The following GLT1D1 variants were observed in gnomAD, a reference collection of about 807,000 sequenced individuals.
The protein encoded by GLT1D1 is glycosyltransferase 1 domain-containing protein 1.
In GLT1D1, 21 loss-of-function variants were observed where a neutral mutation model predicts 28.7. That is an observed-to-expected ratio of 0.73 (90% CI 0.52 to 1.05). GLT1D1 has a LOEUF of 1.05. Ranked by LOEUF, GLT1D1 falls within the 50% of genes least tolerant of loss-of-function variation. GLT1D1 has a pLI of 0.00. For missense variants in GLT1D1, 343 were observed against 330.6 expected (o/e 1.04, Z -0.29); for synonymous variants, 147 against 124.8 (o/e 1.18, Z -1.19).
chr12:128,934,887 G>A (rs1475254372), intron 4 of GLT1D1, among the ~76,000 whole-genome samples: 1 of 151,736 alleles, frequency 6.6e-6, no homozygotes, highest in African/African-American at 2.4e-5. Context: ...GGTCCTGGAA[G>A]TCTCTGTCAT....
intron 7 of GLT1D1, among the ~76,000 whole-genome samples, chr12:128,975,911 G>A (rs182778940): frequency 1.6e-4 from 25 of 152,322 alleles, no homozygotes; most frequent in Admixed American, 4.6e-4. Context: ...GAAGAGCTTC[G>A]TGTTCTTTTG....
intron 6 of GLT1D1, among the ~76,000 whole-genome samples, chr12:128,953,361 G>C (rs1288193065): frequency 6.6e-6 from 1 of 151,586 alleles, no homozygotes; most frequent in Non-Finnish European, 1.5e-5. Context: ...TTTTTTTGTA[G>C]AAAAAGGAGC....
At chr12:128,923,812 G>A (rs1275082373) in intron 4 of GLT1D1, among the ~76,000 whole-genome samples, 1 of 151,864 alleles carries the variant, frequency 6.6e-6, no homozygotes, top group East Asian at 1.9e-4. Context: ...GAGCCACTGC[G>A]TCTGGCCAGG....
chr12:128,971,467 TCTGC>T (rs1565923084), intron 7 of GLT1D1, among the ~76,000 whole-genome samples: 3 of 74,246 alleles, frequency 4.0e-5, no homozygotes, highest in South Asian at 1.4e-3. Context: ...CATCCCTCCC[TCTGC>T]CTCCCTCCCT....
chr12:128,958,130 A>G (rs6486740), intron 7 of GLT1D1, among the ~76,000 whole-genome samples: 84,276 of 152,078 alleles, frequency 0.55, 24,286 homozygotes, highest in Non-Finnish European at 0.65. Flanking sequence ...CTGGTTATCC[A>G]GTAACTTCTG....
rs751804478 is a variant in GLT1D1, at chr12:128,945,355, A to C, written c.405A>C (p.Lys135Asn). ...ATCCAGTGTTTACAAGGGAAGTGAAAGCCAAAGTGAAAAGGTAAGAGTTGG... is the reference window on the plus strand; with the variant it reads ...ATCCAGTGTTTACAAGGGAAGTGAACGCCAAAGTGAAAAGGTAAGAGTTGG... The change falls in exon 5 of 8, where the codon AAA (lysine) becomes AAC (asparagine). Residue 135 changes from lysine to asparagine, a missense_variant. Lys to Asn is a moderately conservative substitution (Grantham distance 94). Transcript: ENST00000281703. 5.6e-6 allele frequency: 9 copies of C among 1,613,970 alleles called. No individual in the cohort carries two copies. The highest frequency in any genetic ancestry group is 2.5e-6 in the Non-Finnish European group (3 of 1,179,924).
chr12:128,873,981 CTCCT>C (rs1235415302), intron 1 of GLT1D1, among the ~76,000 whole-genome samples: 12 of 130,482 alleles, frequency 9.2e-5, no homozygotes, highest in South Asian at 2.5e-4. Flanking sequence ...CTTTTCTTTT[CTCCT>C]TCCTTCCTTC....
rs758808804 is a variant in GLT1D1 at position 128,903,297 on chromosome 12, G to T, written c.375+4010G>T. ...GGACCCCTGAGGCCTGTCTCCATGG[G>T]GTCTGTCATCCTGTTTTAGGCTCGG... On this transcript the variant is annotated intron_variant, in intron 4 of 7. Transcript: ENST00000281703. 4.8e-4 allele frequency among the ~76,000 whole-genome samples: 73 copies of T among 151,636 alleles called. 1 individual carries two copies. The highest frequency in any genetic ancestry group is 9.1e-4 in the Non-Finnish European group (62 of 68,016).
chr12:128,910,751 C>T (rs1366404351), intron 4 of GLT1D1, among the ~76,000 whole-genome samples: 2 of 150,216 alleles, frequency 1.3e-5, no homozygotes, highest in Non-Finnish European at 3.0e-5. Flanking sequence ...GAAACTCTCT[C>T]TTAAAGGTTT....
chr12:128,870,077 C>T (rs934656947), intron 1 of GLT1D1, among the ~76,000 whole-genome samples: 1 of 151,656 alleles, frequency 6.6e-6, no homozygotes, highest in African/African-American at 2.4e-5. Context: ...TACCCAGCTA[C>T]TTTTTGTATT....
At position 128,952,528 on chromosome 12, in the gene GLT1D1, C is replaced by T. The variant is rs547356870; in HGVS notation, c.541-5017C>T. On this transcript the variant is annotated intron_variant, in intron 6 of 7. Coordinates refer to ENST00000281703, the MANE Select transcript of GLT1D1 (RefSeq NM_144669.3). ...TGTTGCCCAGGCTGAAGGGCAATAG[C>T]CGATCTCGGCTCACCCCAACCTCCA... Among the ~76,000 whole-genome samples the T allele has an allele frequency of 3.8e-4, 56 of 149,038 alleles. 2 individuals carry two copies. In the South Asian group the frequency reaches 0.011, roughly 30 times the overall value.
Position 128,982,966 on chromosome 12 carries a change from C to G in GLT1D1, c.677C>G (p.Pro226Arg). 1.2e-6 allele frequency: 2 copies of G among 1,613,986 alleles called. No homozygotes were observed. The highest frequency in any genetic ancestry group is 2.2e-5 in the South Asian group (2 of 91,076). The change falls in exon 8 of 8, where the codon CCT becomes CGT. Residue 226 changes from proline (P) to arginine (R), a missense_variant. Pro to Arg is a moderately radical substitution (Grantham distance 103, BLOSUM62 -2). Coordinates refer to ENST00000281703, the MANE Select transcript of GLT1D1 (RefSeq NM_144669.3). Reference sequence around the variant, plus strand: ...CTGGCAAAGAGACTGGTTAGTGATCCTGCATTAGAAAAGGAAATCGTAGTG... The same window carrying G: ...CTGGCAAAGAGACTGGTTAGTGATCGTGCATTAGAAAAGGAAATCGTAGTG...
chr12:128,905,558 C>G (rs1870763457), intron 4 of GLT1D1, among the ~76,000 whole-genome samples: 1 of 152,212 alleles, frequency 6.6e-6, no homozygotes, highest in Non-Finnish European at 1.5e-5. Flanking sequence ...CTGACCTTCA[C>G]AAGTTAGTTT....
chr12:128,920,659 C>T (rs1161463627), intron 4 of GLT1D1, among the ~76,000 whole-genome samples: 1 of 152,208 alleles, frequency 6.6e-6, no homozygotes, highest in East Asian at 1.9e-4. Context: ...GTTCCTGAGC[C>T]CGCTCATGAC....
intron 3 of GLT1D1, among the ~76,000 whole-genome samples, chr12:128,895,046 T>C (rs1474358377): frequency 1.3e-5 from 2 of 152,060 alleles, no homozygotes; most frequent in Non-Finnish European, 2.9e-5. Flanking sequence ...TCATCATTCA[T>C]CGTTTTCTGA....
At chr12:128,935,538 CA>C (rs35895301) in intron 4 of GLT1D1, among the ~76,000 whole-genome samples, 19,416 of 82,970 alleles carry the variant, frequency 0.23, 1,102 homozygotes, top group South Asian at 0.37. Context: ...GACTCTGTCT[CA>C]AAAAAAAAAA....
intron 4 of GLT1D1, among the ~76,000 whole-genome samples, chr12:128,908,544 T>C (rs182598326): frequency 3.1e-4 from 47 of 151,740 alleles, no homozygotes; most frequent in Admixed American, 8.6e-4. Context: ...TCTTCTTCTT[T>C]TTTTTTTAAT....
At position 128,973,179 on chromosome 12, in the gene GLT1D1, G is replaced by GTTTTTTTTT. The variant is rs61169176; in HGVS notation, c.640-9731_640-9723dup. ...CTTTTCTGTTTTGTTTGTTTGCTTGGTTTTTTTTTTTTTTTTTTTTTTTTT... is the reference window on the plus strand; with the variant it reads ...CTTTTCTGTTTTGTTTGTTTGCTTGGTTTTTTTTTTTTTTTTTTTTTTTTTTTTTTTTTT... On this transcript the variant is annotated intron_variant, in intron 7 of 7. Coordinates refer to ENST00000281703, the MANE Select transcript of GLT1D1 (RefSeq NM_144669.3). Among the ~76,000 whole-genome samples the GTTTTTTTTT allele has an allele frequency of 4.9e-4, 25 of 50,956 alleles. 4 individuals carry two copies. The highest frequency in any genetic ancestry group is 9.6e-4 in the Non-Finnish European group (24 of 24,888). The allele number at this position is 50,956 out of a possible 152,430, so 33.4% of individuals were successfully genotyped here.
At chr12:128,948,666 G>T (rs1277102386) in intron 6 of GLT1D1, among the ~76,000 whole-genome samples, 1 of 152,172 alleles carries the variant, frequency 6.6e-6, no homozygotes, top group Non-Finnish European at 1.5e-5. Context: ...TTTATCATAA[G>T]TCTTTGGGAT....
Sources: gnomAD v4.1 joint callset for allele counts (sites outside exome capture counted in the v4.1 genomes callset) on GRCh38, gnomAD v4.1.1 for gene constraint, MANE v1.5 for transcripts, NCBI Gene and HGNC (gene_info 2026-07-23, HGNC 2026-07-21) for gene names.